CUX1: variants seen among roughly 807,000 people sequenced by gnomAD.
CUX1 encodes the protein cut like homeobox 1.
A neutral mutation model predicts 158.8 loss-of-function variants in CUX1; 31 were observed. The ratio of observed to expected loss-of-function variants is 0.20; its 90% CI spans 0.15 to 0.26. The LOEUF is 0.26. CUX1 is among the 10% of genes least tolerant of loss of function. The pLI is 1.00. For synonymous variants in CUX1, 879 were observed against 862.1 expected, an observed-to-expected ratio of 1.02 and a Z score of -0.34; for missense variants, 1,589 against 2,014.6, an observed-to-expected ratio of 0.79 and a Z score of 4.04.
chr7:101,917,687 G>A (rs1396243132), intron 2 of CUX1, among the ~76,000 whole-genome samples: 6 of 152,134 alleles, frequency 3.9e-5, no homozygotes, highest in Non-Finnish European at 7.4e-5. Flanking sequence ...TTTCCTGAGC[G>A]CTTGTCCTTG....
At chr7:101,903,720 C>G (rs555864565) in intron 1 of CUX1, among the ~76,000 whole-genome samples, 1 of 152,148 alleles carries the variant, frequency 6.6e-6, no homozygotes, top group African/African-American at 2.4e-5. Flanking sequence ...CAGCGTCTCT[C>G]ACATCTCACC....
rs1338225349 is a variant in CUX1, at chr7:101,872,353, T to C, written c.31-43762T>C. On this transcript the variant is annotated intron_variant, in intron 1 of 23. Transcript: ENST00000292535. ...TTCACCATGTTGGCCAGGTTGGTCT[T>C]GAATTCCTGACCTCAAATGATCCAC... Among the ~76,000 whole-genome samples, 5 of 151,932 alleles carry C rather than the reference T, an allele frequency of 3.3e-5. No homozygotes were observed. In the East Asian group the frequency reaches 9.7e-4, roughly 29 times the overall value.
At chr7:102,118,859 C>T (rs1435864795) in intron 8 of CUX1, among the ~76,000 whole-genome samples, 2 of 152,206 alleles carry the variant, frequency 1.3e-5, no homozygotes. Flanking sequence ...TCAAGCGATT[C>T]TCCTGCCTCA....
intron 1 of CUX1, among the ~76,000 whole-genome samples, chr7:101,906,496 G>T (rs1323295696): frequency 6.6e-6 from 1 of 152,030 alleles, no homozygotes; most frequent in African/African-American, 2.4e-5. Context: ...AGCATGCCAG[G>T]TCAGGGTTCT....
chr7:102,114,683 G>T (rs1260075526), intron 7 of CUX1, among the ~76,000 whole-genome samples: 3 of 152,184 alleles, frequency 2.0e-5, no homozygotes, highest in African/African-American at 7.2e-5. Flanking sequence ...TTCCAGACCA[G>T]CCTGGGCGAC....
At chr7:101,988,081 G>A (rs1051355642) in intron 2 of CUX1, among the ~76,000 whole-genome samples, 3 of 152,176 alleles carry the variant, frequency 2.0e-5, no homozygotes, top group Middle Eastern at 3.4e-3. Flanking sequence ...GCGTGGTGGC[G>A]CATGCCTGTA....
chr7:102,064,020 G>A (rs111241520), intron 3 of CUX1, among the ~76,000 whole-genome samples: 7 of 152,322 alleles, frequency 4.6e-5, no homozygotes, highest in Admixed American at 2.0e-4. Flanking sequence ...GCGCCTTCCA[G>A]GCGGAGGGGA....
intron 21 of CUX1, among the ~76,000 whole-genome samples, chr7:102,229,611 CTTTTTTTT>C (rs781991747): frequency 2.9e-5 from 2 of 70,020 alleles, no homozygotes; most frequent in South Asian, 8.9e-4. Flanking sequence ...CGTGTCTGGC[CTTTTTTTT>C]TTTTTTTTTT....
At chr7:102,188,253 T>C (rs1793842253) in intron 11 of CUX1, among the ~76,000 whole-genome samples, 1 of 151,716 alleles carries the variant, frequency 6.6e-6, no homozygotes, top group South Asian at 2.1e-4. Flanking sequence ...CTAGAAACCC[T>C]GTAGAGGGGA....
chr7:102,198,893 T>C, intron 16 of CUX1, 26 bp downstream of exon 16: 10 of 1,606,206 alleles, frequency 6.2e-6, no homozygotes, highest in Non-Finnish European at 7.7e-6. Context: ...GCGTTTTCTT[T>C]GCAGTCAGTC....
rs34912215 is a variant in CUX1 at position 102,067,229 on chromosome 7, C to CTTTT, written c.190-3091_190-3088dup. The stretch of plus-strand genomic sequence containing the variant: ...GCCTGTGTGTCTGCATTTCATGTAA[C>CTTTT]TTTTTTTTTTTTTTTTTTTTTTGAG... On this transcript the variant is annotated intron_variant, in intron 3 of 23. Transcript: ENST00000292535. Among the ~76,000 whole-genome samples the CTTTT allele has an allele frequency of 5.8e-3, 545 of 94,022 alleles. 8 individuals carry two copies. Among genetic ancestry groups the CTTTT allele is most frequent in the Middle Eastern group, 8.5e-3 (1 of 118 alleles). The allele number at this position is 94,022 out of a possible 152,430, so 61.7% of individuals were successfully genotyped here.
intron 8 of CUX1, among the ~76,000 whole-genome samples, chr7:102,141,176 A>G (rs143415353): frequency 1.4e-3 from 215 of 152,210 alleles, no homozygotes; most frequent in Non-Finnish European, 2.5e-3. Context: ...AAGTTGCCCT[A>G]AAAAAGGTAC....
At chr7:101,965,779 G>T (rs1442824460) in intron 2 of CUX1, among the ~76,000 whole-genome samples, 1 of 147,720 alleles carries the variant, frequency 6.8e-6, no homozygotes, top group African/African-American at 2.5e-5. Flanking sequence ...AACCCGGGAG[G>T]CAGAGCTTGC....
At chr7:102,168,775 G>A (rs1218479999) in intron 9 of CUX1, among the ~76,000 whole-genome samples, 1 of 151,858 alleles carries the variant, frequency 6.6e-6, no homozygotes, top group Admixed American at 6.6e-5. Flanking sequence ...CCAGTTCCAG[G>A]ACAGGCCAAC....
intron 1 of CUX1, among the ~76,000 whole-genome samples, chr7:101,867,355 C>T (rs1340388878): frequency 3.9e-5 from 6 of 152,184 alleles, no homozygotes; most frequent in Non-Finnish European, 8.8e-5. Flanking sequence ...TCGCCCTGCC[C>T]CAGGCATCAA....
intron 3 of CUX1, among the ~76,000 whole-genome samples, chr7:102,054,578 C>T (rs1823914749): frequency 6.6e-6 from 1 of 152,130 alleles, no homozygotes; most frequent in African/African-American, 2.4e-5. Context: ...AAGTGTGACT[C>T]CTCCAACCTT....
chr7:102,150,149 T>G (rs1835475931), intron 8 of CUX1, among the ~76,000 whole-genome samples: 1 of 152,170 alleles, frequency 6.6e-6, no homozygotes, highest in Non-Finnish European at 1.5e-5. Context: ...TTTTGTTTTC[T>G]TTGTTTTTTT....
At chr7:102,096,449 C>T (rs1041343419) in intron 4 of CUX1, among the ~76,000 whole-genome samples, 1 of 152,180 alleles carries the variant, frequency 6.6e-6, no homozygotes, top group African/African-American at 2.4e-5. Context: ...TGGGGTGGCT[C>T]ACGCCTGTAA....
chr7:102,256,925 G>T lies in CUX1; in HGVS notation c.*7883G>T. 4.1e-6 allele frequency: 4 copies of T among 985,482 alleles called. No individual in the cohort carries two copies. Among genetic ancestry groups the T allele is most frequent in the Non-Finnish European group, 4.8e-6 (4 of 829,976 alleles). The allele number at this position is 985,482 out of a possible 1,614,324, so 61.0% of individuals were successfully genotyped here. A position where few individuals can be genotyped will look rare whatever the true frequency, so the allele number is the denominator to read the frequency against. The stretch of plus-strand genomic sequence containing the variant: ...CAAAACCATCTTTCAAAGCAACAGT[G>T]TTTTGTAGTACCAGGCTGTGGCTTG... On this transcript the variant is annotated 3_prime_UTR_variant, in exon 24 of 24. Transcript: ENST00000292535.
Sources: gnomAD v4.1 joint callset for allele counts (sites outside exome capture counted in the v4.1 genomes callset) on GRCh38, gnomAD v4.1.1 for gene constraint, MANE v1.5 for transcripts, NCBI Gene and HGNC (gene_info 2026-07-23, HGNC 2026-07-21) for gene names.